Variants in PROX2 observed in about 807,000 individuals in gnomAD.
The protein encoded by PROX2 is prospero homeobox protein 2.
PROX2 carries 46 observed loss-of-function variants against 48.9 expected under a neutral mutation model. That is an observed-to-expected ratio of 0.94 (90% CI 0.74 to 1.20). The LOEUF is 1.20. PROX2 is among the 50% of genes most tolerant of loss of function. PROX2 has a pLI of 0.00. For missense variants in PROX2, 663 were observed against 719.4 expected (o/e 0.92, Z 0.90); for synonymous variants, 260 against 276.6 (o/e 0.94, Z 0.60).
rs1243248686 is a variant in PROX2, at chr14:74,857,036, G to A, written c.1414-41C>T. On this transcript the variant is annotated intron_variant, in intron 4 of 5. Transcript: ENST00000556489. ...GTCCATCCAGTCAGACATTTGCCAC[G>A]AGGTGCTCAGAATTAGAACTGTCTG... 4.5e-6 allele frequency: 7 copies of A among 1,553,584 alleles called. No individual in the cohort carries two copies. The East Asian group carries it at 9.0e-5, about 20-fold the overall frequency.
At chr14:74,860,239 CATTA>C (rs1486690661) in intron 3 of PROX2, among the ~76,000 whole-genome samples, 1 of 152,192 alleles carries the variant, frequency 6.6e-6, no homozygotes, top group African/African-American at 2.4e-5. Flanking sequence ...GTGTACCACA[CATTA>C]ATTAACATCC....
At chr14:74,873,334 C>T (rs1320157949) in intron 1 of PROX2, among the ~76,000 whole-genome samples, 2 of 152,104 alleles carry the variant, frequency 1.3e-5, no homozygotes, top group Admixed American at 6.6e-5. Context: ...CTGCCTTTTC[C>T]CCTTCAGTTT....
rs1883332619 is a variant in PROX2 at position 74,875,929 on chromosome 14, G to A, written c.-344C>T. ...GTCCTCTGGGAGGTCCTTGTCTTGG[G>A]CTCTGTGGCCAGGTGGGGCCAACCA... On this transcript the variant is annotated 5_prime_UTR_variant, in exon 1 of 6. Transcript: ENST00000556489. 6.6e-6 allele frequency among the ~76,000 whole-genome samples: 1 copy of A among 152,230 alleles called. No individual in the cohort carries two copies. The highest frequency in any genetic ancestry group is 6.5e-5 in the Admixed American group (1 of 15,288).
chr14:74,858,294 C>T lies in PROX2; in HGVS notation c.1413+113G>A, dbSNP rs905698565. The stretch of plus-strand genomic sequence containing the variant: ...CTGGACATTGCTTCCATCAGCAACA[C>T]TAAGGGGAGCTTGAAGTGCACATAT... On this transcript the variant is annotated intron_variant, in intron 4 of 5. Coordinates refer to ENST00000556489, the MANE Select transcript of PROX2 (RefSeq NM_001243007.2). 7 of 638,412 alleles carry T rather than the reference C, an allele frequency of 1.1e-5. No homozygotes were observed. In the East Asian group the frequency reaches 1.7e-4, roughly 15 times the overall value. The allele number at this position is 638,412 out of a possible 1,614,324, so 39.5% of individuals were successfully genotyped here.
chr14:74,861,347 A>C, intron 3 of PROX2: 1 of 654,802 alleles, frequency 1.5e-6, no homozygotes, highest in Non-Finnish European at 2.5e-6. Flanking sequence ...GTTCTGCAAG[A>C]TGCTTGTTAG....
rs79080832 is a variant in PROX2, at chr14:74,863,270, C to T, written c.565G>A (p.Asp189Asn). Residue 189 changes from aspartate (D) to asparagine (N), a missense_variant, in exon 3 of 6, where the codon GAC becomes AAC. Asp to Asn is a conservative substitution (Grantham distance 23, BLOSUM62 1). Coordinates refer to ENST00000556489, the MANE Select transcript of PROX2 (RefSeq NM_001243007.2). ...NGCGPRPWVV[D>N]GDHQQGTSKD... The stretch of plus-strand genomic sequence containing the variant: ...CTGGTACCTTGCTGGTGGTCACCGT[C>T]CACAACCCAGGGGCGAGGCCCACAG... 7.1e-4 allele frequency: 1,153 copies of T among 1,613,934 alleles called. 16 individuals carry two copies. In the East Asian group the frequency reaches 0.024, roughly 33 times the overall value.
At chr14:74,858,845 TGTG>T (rs1566778564) in intron 3 of PROX2, 3,682 of 57,632 alleles carry the variant, frequency 0.064, 221 homozygotes, top group African/African-American at 0.28. Flanking sequence ...TGGTGTATTG[TGTG>T]TGTGTGTGTG....
At chr14:74,860,924 G>A (rs1382398701) in intron 3 of PROX2, among the ~76,000 whole-genome samples, 1 of 152,202 alleles carries the variant, frequency 6.6e-6, no homozygotes, top group Non-Finnish European at 1.5e-5. Flanking sequence ...GAGTCAACTA[G>A]TGGTTATCAA....
rs115705919 is a variant in PROX2 at position 74,873,390 on chromosome 14, G to C, written c.-309-2153C>G. Reference sequence around the variant, plus strand: ...TGATAACAGTCACTCTCTTAGGATTGTGGTGAGGATCACATGTGGTGGGCC... The same window carrying C: ...TGATAACAGTCACTCTCTTAGGATTCTGGTGAGGATCACATGTGGTGGGCC... On this transcript the variant is annotated intron_variant, in intron 1 of 5. Coordinates refer to ENST00000556489, the MANE Select transcript of PROX2 (RefSeq NM_001243007.2). Among the ~76,000 whole-genome samples, 596 of 152,296 alleles carry C rather than the reference G, an allele frequency of 3.9e-3. 5 individuals carry two copies. The highest frequency in any genetic ancestry group is 0.012 in the African/African-American group (506 of 41,554).
rs777928253 is a variant in PROX2 at position 74,875,987 on chromosome 14, G to A, written c.-402C>T. 1.3e-5 allele frequency among the ~76,000 whole-genome samples: 2 copies of A among 152,206 alleles called. No homozygotes were observed. Among genetic ancestry groups the A allele is most frequent in the Non-Finnish European group, 2.9e-5 (2 of 68,042 alleles). ...AGACGGAGCAGCCCACTCTTCACCA[G>A]CCCTGGGCAGACAGAGCCATGGTCA... is the stretch of plus-strand genomic sequence containing the variant. On this transcript the variant is annotated 5_prime_UTR_variant, in exon 1 of 6. Transcript: ENST00000556489.
chr14:74,866,848 GGCTGATAACAATGTT>G (rs1442377102), intron 2 of PROX2, among the ~76,000 whole-genome samples: 1 of 152,228 alleles, frequency 6.6e-6, no homozygotes, highest in Admixed American at 6.5e-5. Context: ...CATATTTGTA[GGCTGATAACAATGTT>G]GCTGCAGAAA....
At chr14:74,857,236 TATGGGGGTTGTTTTACCC>T in intron 4 of PROX2, 1 of 407,416 alleles carries the variant, frequency 2.5e-6, no homozygotes, top group East Asian at 3.8e-5. Context: ...ATGCTAGATT[TATGGGGGTTGTTTTACCC>T]ATGAAAAGCT....
chr14:74,871,528 C>A (rs1232535200), intron 1 of PROX2, among the ~76,000 whole-genome samples: 6 of 151,900 alleles, frequency 3.9e-5, no homozygotes, highest in Non-Finnish European at 8.8e-5. Flanking sequence ...AATCCCAGTG[C>A]TTTGGGAGGC....
At chr14:74,856,773 C>A in intron 5 of PROX2, 28 bp downstream of exon 5, 1 of 1,587,934 alleles carries the variant, frequency 6.3e-7, no homozygotes, top group African/African-American at 1.3e-5. Flanking sequence ...CTCATCAGAT[C>A]TCATGGGAAC....
chr14:74,858,555 G>T, intron 3 of PROX2, 41 bp from the exon 4 acceptor site: 1 of 1,059,418 alleles, frequency 9.4e-7, no homozygotes, highest in Non-Finnish European at 1.4e-6. Flanking sequence ...TAAAATGCCA[G>T]TTTATCAATT....
chr14:74,870,439 A>AAAACACACACACACACACAC (rs766736707), intron 2 of PROX2, among the ~76,000 whole-genome samples: 13 of 29,920 alleles, frequency 4.3e-4, no homozygotes, highest in African/African-American at 9.6e-4. Context: ...AAAAAAAAAA[A>AAAACACACACACACACACAC]ATACACACAC....
Position 74,854,144 on chromosome 14 carries a change from C to G in PROX2, c.*988G>C, listed in dbSNP as rs759558106. 2 of 363,020 alleles carry G rather than the reference C, an allele frequency of 5.5e-6. No individual in the cohort carries two copies. Among genetic ancestry groups the G allele is most frequent in the African/African-American group, 4.3e-5 (2 of 46,868 alleles). The allele number at this position is 363,020 out of a possible 1,614,324, so 22.5% of individuals were successfully genotyped here. On this transcript the variant is annotated 3_prime_UTR_variant, in exon 6 of 6. Transcript: ENST00000556489. ...AGATGATCTCCTAAGGCCCTTTCTA[C>G]CTTTCACAGTCTGAAGTTCAGCTTC...
rs2140170829 is a variant in PROX2 at position 74,865,411 on chromosome 14, A to C, written c.-174-1403T>G. ...CTGCTGTGAAGAGAAAGCACAACAA[A>C]GGGTTGGAAACTGGAGAGAGCGGTT... On this transcript the variant is annotated intron_variant, in intron 2 of 5. Transcript: ENST00000556489. The C allele has an allele frequency of 3.9e-5, 6 of 152,390 alleles. 1 individual carries two copies. The highest frequency in any genetic ancestry group is 1.4e-4 in the African/African-American group (6 of 41,590). 9.4% of individuals were successfully genotyped at this position (152,390 alleles called of 1,614,324 possible).
In PROX2 at chr14:74,863,609, A is replaced by C; in HGVS notation, c.226T>G (p.Cys76Gly). ...ARVETIVRGMCLSPNPLVPGN... is the reference protein window; with the variant it reads ...ARVETIVRGMGLSPNPLVPGN... ...GGCACCAGAGGATTCGGGGAGAGAC[A>C]CATGCCTCGGACAATGGTCTCCACT... The change falls in exon 3 of 6, where the codon TGT becomes GGT. Residue 76 changes from cysteine to glycine, a missense_variant. Coordinates refer to ENST00000556489, the MANE Select transcript of PROX2 (RefSeq NM_001243007.2). The C allele has an allele frequency of 6.2e-7, 1 of 1,606,692 alleles. No individual in the cohort carries two copies. Among genetic ancestry groups the C allele is most frequent in the South Asian group, 1.1e-5 (1 of 89,560 alleles).
Sources: gnomAD v4.1 joint callset for allele counts (sites outside exome capture counted in the v4.1 genomes callset) on GRCh38, gnomAD v4.1.1 for gene constraint, MANE v1.5 for transcripts, NCBI Gene and HGNC (gene_info 2026-07-23, HGNC 2026-07-21) for gene names.